KLRG1: variants seen among roughly 807,000 people sequenced by gnomAD.
The protein encoded by KLRG1 is killer cell lectin-like receptor subfamily G member 1.
A neutral mutation model predicts 21.8 loss-of-function variants in KLRG1; 16 were observed. That is an observed-to-expected ratio of 0.73 (90% CI 0.50 to 1.11). KLRG1 has a LOEUF of 1.11. Ranked by LOEUF, KLRG1 falls within the 50% of genes most tolerant of loss-of-function variation. KLRG1 has a pLI of 0.00. For missense variants in KLRG1, 173 were observed against 218.3 expected (o/e 0.79, Z 1.31); for synonymous variants, 69 against 75.9 (o/e 0.91, Z 0.47).
the KLRG1 span, chr12:9,165,406 G>A: frequency 6.2e-7 from 1 of 1,605,956 alleles, no homozygotes; most frequent in Non-Finnish European, 8.5e-7. Context: ...AATAATGAAT[G>A]TAAGCCACCT....
chr12:9,070,623 A>G, the KLRG1 span: 1 of 1,382,782 alleles, frequency 7.2e-7, no homozygotes, highest in Non-Finnish European at 1.0e-6. Flanking sequence ...CTGTGTTTTT[A>G]AATATTTTCT....
At chr12:9,009,114 G>T in intron 4 of KLRG1, 39 bp downstream of exon 4, 1 of 1,496,496 alleles carries the variant, frequency 6.7e-7, no homozygotes, top group South Asian at 1.2e-5. Context: ...AGAGAGAGAG[G>T]AAAAAGGAAA....
the KLRG1 span, chr12:9,192,594 C>T: frequency 7.4e-6 from 12 of 1,614,036 alleles, no homozygotes; most frequent in Non-Finnish European, 1.0e-5. Context: ...CTCCGTGTGG[C>T]CACAGGGCAG....
the KLRG1 span, among the ~76,000 whole-genome samples, chr12:9,205,231 G>T: frequency 3.9e-5 from 6 of 151,942 alleles, no homozygotes; most frequent in African/African-American, 1.5e-4. Flanking sequence ...TCACATTCTG[G>T]CCTTAGCTTT....
the KLRG1 span, chr12:9,027,398 G>A: frequency 7.8e-5 from 41 of 524,368 alleles, 1 homozygote; most frequent in East Asian, 9.1e-5. Flanking sequence ...GAGTATTTGC[G>A]TAAAACATGT....
At chr12:8,970,967 T>G (rs1202415744) in intron 1 of KLRG1, 3 of 152,204 alleles carry the variant, frequency 2.0e-5, no homozygotes, top group Non-Finnish European at 4.4e-5. Context: ...AACTGTACTT[T>G]GTCATGATGA....
chr12:9,034,075 T>C, the KLRG1 span, among the ~76,000 whole-genome samples: 2 of 152,192 alleles, frequency 1.3e-5, no homozygotes, highest in African/African-American at 4.8e-5. Flanking sequence ...AGACAATTGG[T>C]ATTTGTGTAT....
chr12:9,004,466 T>G (rs974328580), intron 3 of KLRG1, among the ~76,000 whole-genome samples: 1 of 152,176 alleles, frequency 6.6e-6, no homozygotes. Flanking sequence ...AGATACTTAT[T>G]AAACATAATT....
the KLRG1 span, among the ~76,000 whole-genome samples, chr12:9,148,471 TA>T: frequency 3.9e-5 from 6 of 152,172 alleles, no homozygotes; most frequent in Non-Finnish European, 7.4e-5. Context: ...TTTATTTTTT[TA>T]ATCCATATAA....
At chr12:8,978,640 T>TTTTCTTTTTC (rs1555140710) in intron 1 of KLRG1, among the ~76,000 whole-genome samples, 3 of 107,806 alleles carry the variant, frequency 2.8e-5, no homozygotes, top group Admixed American at 9.2e-5. Context: ...TTTTTCTTTC[T>TTTTCTTTTTC]TTTCTTTCTT....
chr12:9,193,788 A>T, the KLRG1 span, among the ~76,000 whole-genome samples: 2 of 152,218 alleles, frequency 1.3e-5, no homozygotes, highest in South Asian at 2.1e-4. Flanking sequence ...AACAAAGTAC[A>T]TGAATTACTG....
At chr12:9,146,387 T>C in the KLRG1 span, among the ~76,000 whole-genome samples, 1 of 152,092 alleles carries the variant, frequency 6.6e-6, no homozygotes, top group South Asian at 2.1e-4. Flanking sequence ...ATACTTTTTG[T>C]GGTTTTGTTG....
At chr12:9,117,545 T>C in the KLRG1 span, among the ~76,000 whole-genome samples, 3 of 152,220 alleles carry the variant, frequency 2.0e-5, no homozygotes, top group Non-Finnish European at 4.4e-5. Context: ...GAGTGAATTG[T>C]GTTGCCTTTA....
chr12:9,187,868 G>GA, the KLRG1 span, among the ~76,000 whole-genome samples: 1 of 152,174 alleles, frequency 6.6e-6, no homozygotes, highest in African/African-American at 2.4e-5. Flanking sequence ...CTTCAAGATG[G>GA]AAAAAATGGC....
the KLRG1 span, chr12:9,197,084 C>T: frequency 8.1e-5 from 130 of 1,613,514 alleles, no homozygotes; most frequent in Non-Finnish European, 9.2e-5. Flanking sequence ...TACACAGGCT[C>T]ACAGTTGCAA....
At chr12:9,112,321 C>T in the KLRG1 span, 1 of 1,601,686 alleles carries the variant, frequency 6.2e-7, no homozygotes, top group African/African-American at 1.3e-5. Flanking sequence ...GGGGAACATC[C>T]AGGGGAAGAA....
chr12:8,975,417 C>A (rs925814333), intron 1 of KLRG1, among the ~76,000 whole-genome samples: 2 of 151,984 alleles, frequency 1.3e-5, no homozygotes, highest in African/African-American at 2.4e-5. Context: ...GAAATGTATC[C>A]ATTTCTTGTA....
chr12:9,070,643 T>TC, the KLRG1 span: 1 of 1,137,482 alleles, frequency 8.8e-7, no homozygotes, highest in South Asian at 1.4e-5. Context: ...TTCTTCTATG[T>TC]CCATGTTAAG....
chr12:9,202,719 T>G, the KLRG1 span: 2 of 1,589,308 alleles, frequency 1.3e-6, no homozygotes, highest in Non-Finnish European at 1.7e-6. Flanking sequence ...ACTGAGGAAC[T>G]GTGCAGTCTT....
Sources: gnomAD v4.1 joint callset for allele counts (sites outside exome capture counted in the v4.1 genomes callset) on GRCh38, gnomAD v4.1.1 for gene constraint, MANE v1.5 for transcripts, NCBI Gene and HGNC (gene_info 2026-07-23, HGNC 2026-07-21) for gene names.